Variants in MPHOSPH8 observed in about 807,000 individuals in gnomAD.
MPHOSPH8 encodes the protein M-phase phosphoprotein, mpp.
Under a neutral mutation model 87.3 loss-of-function variants are expected in MPHOSPH8, and 45 were observed. The ratio of observed to expected loss-of-function variants is 0.52; its 90% confidence interval spans 0.41 to 0.66. The LOEUF (loss-of-function observed/expected upper bound fraction) is 0.66, where lower values mean the gene tolerates loss of function less well. Among genes scored for constraint, MPHOSPH8 ranks in the 30% least tolerant of loss-of-function variants. The pLI, the probability that MPHOSPH8 is intolerant of heterozygous loss-of-function variation, is 0.00. For synonymous variants in MPHOSPH8, 366 were observed against 376.9 expected, an observed-to-expected ratio of 0.97 and a Z score of 0.33; for missense variants, 883 against 1,020.2, an observed-to-expected ratio of 0.87 and a Z score of 1.83.
chr13:19,657,070 T>G (rs1223724314), intron 5 of MPHOSPH8, among the ~76,000 whole-genome samples: 1 of 123,778 alleles, frequency 8.1e-6, no homozygotes, highest in Non-Finnish European at 1.6e-5. Context: ...TGCAGTGAGC[T>G]GAGATAGTGC....
chr13:19,649,854 A>G (rs1361429063), intron 4 of MPHOSPH8, 149 bp from the exon 5 acceptor site: 3 of 715,530 alleles, frequency 4.2e-6, no homozygotes, highest in Admixed American at 3.1e-5. Flanking sequence ...TGGCTTTGAC[A>G]GTAAATCAGA....
chr13:19,655,521 T>G (rs1322544932), intron 5 of MPHOSPH8, among the ~76,000 whole-genome samples: 1 of 151,886 alleles, frequency 6.6e-6, no homozygotes, highest in Admixed American at 6.6e-5. Context: ...GCAGCATGAG[T>G]TATAATGGTG....
intron 9 of MPHOSPH8, among the ~76,000 whole-genome samples, chr13:19,665,412 C>T (rs1270070545): frequency 2.0e-5 from 3 of 152,208 alleles, no homozygotes; most frequent in African/African-American, 7.2e-5. Flanking sequence ...AGGGACTGCC[C>T]TCGCCTGTCA....
intron 2 of MPHOSPH8, among the ~76,000 whole-genome samples, chr13:19,646,061 TTTGCA>T (rs1163709476): frequency 1.1e-4 from 16 of 152,144 alleles, no homozygotes; most frequent in Non-Finnish European, 2.1e-4. Context: ...ACGTTTTGTA[TTTGCA>T]TTGGTAACTA....
chr13:19,647,400 G>A (rs1371770067), intron 3 of MPHOSPH8, 109 bp downstream of exon 3: 10 of 901,090 alleles, frequency 1.1e-5, no homozygotes, highest in South Asian at 4.5e-5. Flanking sequence ...GACCATGGGC[G>A]GTCATAAATG....
Position 19,673,014 on chromosome 13 carries a change from CA to C in MPHOSPH8, c.*1140del, listed in dbSNP as rs1876223928. Reference sequence around the variant, plus strand: ...AAGGCTGCAGTGAGCCGTGAAAGGCCACTGCACTCCAGCCTGAGTGACAGAA... The same window carrying C: ...AAGGCTGCAGTGAGCCGTGAAAGGCCCTGCACTCCAGCCTGAGTGACAGAA... On this transcript the variant is annotated 3_prime_UTR_variant, in exon 14 of 14. Transcript: ENST00000361479. 1 of 435,820 alleles carries C rather than the reference CA, an allele frequency of 2.3e-6. No individual in the cohort carries two copies. Among genetic ancestry groups the C allele is most frequent in the Non-Finnish European group, 4.5e-6 (1 of 221,938 alleles). 27.0% of individuals were successfully genotyped at this position (435,820 alleles called of 1,614,324 possible). A position where few individuals can be genotyped will look rare whatever the true frequency, so the allele number is the denominator to read the frequency against.
intron 12 of MPHOSPH8, 34 bp from the exon 13 acceptor site, chr13:19,671,172 A>C (rs1329691645): frequency 6.2e-7 from 1 of 1,605,984 alleles, no homozygotes; most frequent in Non-Finnish European, 8.5e-7. Flanking sequence ...GTAAGTTTGA[A>C]AACACTGACT....
chr13:19,654,570 C>T (rs1045354829), intron 5 of MPHOSPH8, among the ~76,000 whole-genome samples: 1 of 152,150 alleles, frequency 6.6e-6, no homozygotes, highest in Non-Finnish European at 1.5e-5. Flanking sequence ...TTATAAAAGT[C>T]GCTCTAAAAA....
At chr13:19,658,484 T>G (rs1193473420) in intron 5 of MPHOSPH8, among the ~76,000 whole-genome samples, 2 of 152,054 alleles carry the variant, frequency 1.3e-5, no homozygotes, top group African/African-American at 2.4e-5. Context: ...GGGGTGGGTG[T>G]GGGCCAGGGC....
At chr13:19,667,431 T>C (rs1173001611) in intron 10 of MPHOSPH8, among the ~76,000 whole-genome samples, 8 of 152,220 alleles carry the variant, frequency 5.3e-5, no homozygotes, top group African/African-American at 1.7e-4. Flanking sequence ...TCTATGAATT[T>C]GGACAAATAC....
chr13:19,665,943 G>A (rs191628584), intron 9 of MPHOSPH8, among the ~76,000 whole-genome samples: 9 of 152,286 alleles, frequency 5.9e-5, no homozygotes, highest in Admixed American at 2.6e-4. Context: ...GGGACATTTC[G>A]AGGGTGTTTT....
At chr13:19,648,648 T>C (rs1874694413) in intron 4 of MPHOSPH8, 127 bp downstream of exon 4, 3 of 337,948 alleles carry the variant, frequency 8.9e-6, no homozygotes, top group Middle Eastern at 9.6e-4. Flanking sequence ...TTTTTCCTTT[T>C]TAATATGATG....
chr13:19,658,272 G>A (rs1455248912), intron 5 of MPHOSPH8, among the ~76,000 whole-genome samples: 3 of 152,180 alleles, frequency 2.0e-5, no homozygotes, highest in African/African-American at 7.2e-5. Flanking sequence ...ACTGGTTTCA[G>A]GTGAAAATCC....
intron 5 of MPHOSPH8, among the ~76,000 whole-genome samples, chr13:19,651,835 C>G (rs941011170): frequency 6.6e-6 from 1 of 151,972 alleles, no homozygotes; most frequent in South Asian, 2.1e-4. Context: ...CACGGCGGCT[C>G]ACACCTGTAA....
intron 1 of MPHOSPH8, 74 bp from the exon 2 acceptor site, chr13:19,642,040 GT>G (rs35022508): frequency 0.011 from 6,045 of 554,382 alleles, 10 homozygotes; most frequent in African/African-American, 0.034. Flanking sequence ...CTTCTCATCA[GT>G]TTTTTTTTTT....
chr13:19,663,275 G>C (rs1875645598), intron 9 of MPHOSPH8, 149 bp downstream of exon 9: 1 of 707,080 alleles, frequency 1.4e-6, no homozygotes, highest in Non-Finnish European at 2.4e-6. Flanking sequence ...GGGAGAAGGA[G>C]AAGCGGGCTG....
At chr13:19,667,861 G>C (rs953864017) in intron 10 of MPHOSPH8, among the ~76,000 whole-genome samples, 2 of 152,058 alleles carry the variant, frequency 1.3e-5, no homozygotes, top group African/African-American at 2.4e-5. Flanking sequence ...TCAGAAACTT[G>C]CATGTATCAG....
intron 7 of MPHOSPH8, chr13:19,659,673 A>T (rs920178260): frequency 1.8e-5 from 8 of 438,896 alleles, no homozygotes; most frequent in African/African-American, 1.2e-4. Flanking sequence ...TCAAAAAAAA[A>T]AAAAATAATG....
intron 5 of MPHOSPH8, among the ~76,000 whole-genome samples, chr13:19,652,533 A>G (rs9506320): frequency 0.97 from 146,854 of 152,172 alleles, 71,115 homozygotes; most frequent in East Asian, 1. Flanking sequence ...CTAGCTGCAG[A>G]AGTTTTTTTT....
Sources: gnomAD v4.1 joint callset for allele counts (sites outside exome capture counted in the v4.1 genomes callset) on GRCh38, gnomAD v4.1.1 for gene constraint, MANE v1.5 for transcripts, NCBI Gene and HGNC (gene_info 2026-07-23, HGNC 2026-07-21) for gene names.